The following ATP10B variants were observed in gnomAD, a reference collection of about 807,000 sequenced individuals.
The protein encoded by ATP10B is phospholipid-transporting ATPase VB.
A neutral mutation model predicts 141.2 loss-of-function variants in ATP10B; 122 were observed. The ratio of observed to expected loss-of-function variants is 0.86; its 90% confidence interval spans 0.75 to 1.00. ATP10B has a LOEUF of 1.00. Among genes scored for constraint, ATP10B ranks in the 50% least tolerant of loss-of-function variants. ATP10B has a pLI of 0.00. For synonymous variants in ATP10B, 685 were observed against 692.0 expected (o/e 0.99, Z 0.16); for missense variants, 1,876 against 1,825.3 (o/e 1.03, Z -0.51).
chr5:160,814,013 T>C (rs1169757901), intron 1 of ATP10B, among the ~76,000 whole-genome samples: 2 of 152,138 alleles, frequency 1.3e-5, no homozygotes, highest in Admixed American at 1.3e-4. Flanking sequence ...CAAAGGTAGA[T>C]ACAACCACAA....
chr5:160,640,616 A>G (rs750914655), intron 9 of ATP10B, 24 bp from the exon 10 acceptor site: 109 of 1,613,160 alleles, frequency 6.8e-5, no homozygotes, highest in Admixed American at 1.2e-4. Flanking sequence ...TGAGGAAATC[A>G]GTCCCTTAGT....
In ATP10B at chr5:160,687,961, C is replaced by G. The variant is rs143058491; in HGVS notation, c.114G>C (p.Gln38His). 1,361 of 1,614,110 alleles carry G rather than the reference C, an allele frequency of 8.4e-4. 12 individuals carry two copies. In the African/African-American group the frequency reaches 0.015, roughly 17 times the overall value. ...CCCGCTGCTGTGTCAAGTTGTAGCT[C>G]TGTCTCCCTTTCTCTGGAGAGAGCA... The part of the protein sequence containing the change: ...TPLLSPEKGR[Q>H]SYNLTQQRVV... The change falls in exon 5 of 26, where the codon CAG becomes CAC. Residue 38 changes from glutamine to histidine, a missense_variant. Gln to His is a conservative substitution (Grantham distance 24, BLOSUM62 0). Coordinates refer to ENST00000327245, the MANE Select transcript of ATP10B (RefSeq NM_025153.3).
chr5:160,656,978 T>A (rs1350411895), intron 7 of ATP10B, among the ~76,000 whole-genome samples: 3 of 152,142 alleles, frequency 2.0e-5, no homozygotes, highest in Non-Finnish European at 4.4e-5. Flanking sequence ...TTCTACATGA[T>A]TCCCAGGCTA....
At chr5:160,739,001 G>A (rs1767293004) in intron 2 of ATP10B, among the ~76,000 whole-genome samples, 6 of 152,058 alleles carry the variant, frequency 3.9e-5, no homozygotes. Flanking sequence ...AAATCTAGTA[G>A]GATGTATTCC....
chr5:160,605,919 G>A (rs1757361777), intron 19 of ATP10B, among the ~76,000 whole-genome samples: 1 of 152,206 alleles, frequency 6.6e-6, no homozygotes, highest in African/African-American at 2.4e-5. Flanking sequence ...TGCGTACTGG[G>A]TGCTGTGGGA....
the ATP10B span, among the ~76,000 whole-genome samples, chr5:160,906,872 T>C: frequency 1.3e-5 from 2 of 152,188 alleles, no homozygotes; most frequent in Non-Finnish European, 2.9e-5. Context: ...GAAGGCATCG[T>C]TGAGTCAATG....
intron 7 of ATP10B, among the ~76,000 whole-genome samples, chr5:160,652,936 CATGTATATATAATATATTATAT>C (rs1760959655): frequency 2.7e-5 from 2 of 73,004 alleles, no homozygotes; most frequent in East Asian, 6.8e-4. Flanking sequence ...ATTATATATA[CATGTATATATAATATATTATAT>C]ATACATGTAT....
chr5:160,590,396 A>C (rs1756206745), intron 23 of ATP10B, among the ~76,000 whole-genome samples: 1 of 152,192 alleles, frequency 6.6e-6, no homozygotes, highest in South Asian at 2.1e-4. Flanking sequence ...ATATGAGCCC[A>C]GAGGTTGGAT....
rs545496821 is a variant in ATP10B at position 160,783,832 on chromosome 5, C to G, written c.-331+1727G>C. 2.0e-5 allele frequency among the ~76,000 whole-genome samples: 3 copies of G among 152,114 alleles called. No homozygotes were observed. The South Asian group carries it at 6.2e-4, about 32-fold the overall frequency. On this transcript the variant is annotated intron_variant, in intron 2 of 25. Coordinates refer to ENST00000327245, the MANE Select transcript of ATP10B (RefSeq NM_025153.3). ...CACACTGTTTTCCATAGTGGTTGTA[C>G]TAGTTTACCTTCCCACAAGCAGTGT...
chr5:160,591,217 G>T, intron 22 of ATP10B, 78 bp from the exon 23 acceptor site: 1 of 1,204,118 alleles, frequency 8.3e-7, no homozygotes, highest in Non-Finnish European at 1.2e-6. Context: ...TCTTGCATGT[G>T]GCTGCGACAG....
chr5:160,821,127 C>A (rs1452581697), intron 1 of ATP10B, among the ~76,000 whole-genome samples: 1 of 152,070 alleles, frequency 6.6e-6, no homozygotes, highest in African/African-American at 2.4e-5. Context: ...AAGACTACAG[C>A]AAATTATTCA....
At chr5:160,879,679 A>AT in the ATP10B span, among the ~76,000 whole-genome samples, 1 of 152,120 alleles carries the variant, frequency 6.6e-6, no homozygotes, top group African/African-American at 2.4e-5. Context: ...TTTACCAAAA[A>AT]TACAAAAAAT....
At chr5:160,785,382 G>A (rs924360204) in intron 2 of ATP10B, among the ~76,000 whole-genome samples, 177 bp downstream of exon 2, 11 of 152,008 alleles carry the variant, frequency 7.2e-5, no homozygotes, top group South Asian at 2.1e-4. Flanking sequence ...ATCAGCTGAC[G>A]TTTATTTTAC....
chr5:160,565,859 A>G lies in ATP10B; in HGVS notation c.3980T>C (p.Leu1327Pro). 1 of 1,613,726 alleles carries G rather than the reference A, an allele frequency of 6.2e-7. No homozygotes were observed. The highest frequency in any genetic ancestry group is 8.5e-7 in the Non-Finnish European group (1 of 1,179,900). ...GTCAATTTTCTGAGCTTTTGAGATT[A>G]GAGACTTCCCACAAGTTCCTTGCAG... is the stretch of plus-strand genomic sequence containing the variant. Reference protein sequence around the residue: ...LSLQGTCGKSLISKAQKIDKL... With the variant: ...LSLQGTCGKSPISKAQKIDKL... Residue 1327 changes from leucine to proline, a missense_variant, in exon 26 of 26, where the codon CTA (leucine) becomes CCA (proline). Coordinates refer to ENST00000327245, the MANE Select transcript of ATP10B (RefSeq NM_025153.3).
intron 1 of ATP10B, among the ~76,000 whole-genome samples, chr5:160,834,715 T>C (rs1775312266): frequency 6.6e-6 from 1 of 152,170 alleles, no homozygotes; most frequent in Non-Finnish European, 1.5e-5. Flanking sequence ...ATACAAATTC[T>C]CATCAGGCTG....
At chr5:160,921,658 C>A in the ATP10B span, among the ~76,000 whole-genome samples, 2 of 152,302 alleles carry the variant, frequency 1.3e-5, no homozygotes, top group Non-Finnish European at 2.9e-5. Context: ...AGTAGTCTTC[C>A]TTTTAAACAA....
chr5:160,911,009 T>G, the ATP10B span, among the ~76,000 whole-genome samples: 1 of 152,206 alleles, frequency 6.6e-6, no homozygotes, highest in African/African-American at 2.4e-5. Flanking sequence ...TCACCTCCTG[T>G]TTATAAATGA....
chr5:160,569,886 G>C (rs1754767728), intron 24 of ATP10B, among the ~76,000 whole-genome samples: 1 of 152,122 alleles, frequency 6.6e-6, no homozygotes, highest in Non-Finnish European at 1.5e-5. Flanking sequence ...TACCCCAGAA[G>C]ACCCTATTCT....
the ATP10B span, among the ~76,000 whole-genome samples, chr5:160,922,124 T>A: frequency 6.6e-6 from 1 of 152,170 alleles, no homozygotes; most frequent in African/African-American, 2.4e-5. Context: ...AGGATCAGCA[T>A]CTGACTCATA....
Sources: gnomAD v4.1 joint callset for allele counts (sites outside exome capture counted in the v4.1 genomes callset) on GRCh38, gnomAD v4.1.1 for gene constraint, MANE v1.5 for transcripts, NCBI Gene and HGNC (gene_info 2026-07-23, HGNC 2026-07-21) for gene names.